Variants in LY75 observed in about 807,000 individuals in gnomAD.
LY75 encodes lymphocyte antigen 75.
A neutral mutation model predicts 231.7 loss-of-function variants in LY75; 185 were observed. That is an observed-to-expected ratio of 0.80 (90% CI 0.71 to 0.90). LY75 has a LOEUF of 0.90. Ranked by LOEUF, LY75 falls within the 40% of genes least tolerant of loss-of-function variation. The pLI is 0.00. For synonymous variants in LY75, 668 were observed against 689.0 expected, an observed-to-expected ratio of 0.97 and a Z score of 0.48; for missense variants, 1,947 against 2,050.2, an observed-to-expected ratio of 0.95 and a Z score of 0.97.
At chr2:159,823,829 AT>A (rs1363241420) in intron 28 of LY75, among the ~76,000 whole-genome samples, 2 of 152,184 alleles carry the variant, frequency 1.3e-5, no homozygotes, top group Admixed American at 1.3e-4. Flanking sequence ...TCAACCCAGA[AT>A]TTCATATCCA....
chr2:159,883,793 T>A (rs1219661865), intron 6 of LY75, among the ~76,000 whole-genome samples: 2 of 152,228 alleles, frequency 1.3e-5, no homozygotes, highest in Admixed American at 1.3e-4. Flanking sequence ...ATTTCCCCTA[T>A]TATCTTAAAA....
intron 25 of LY75, among the ~76,000 whole-genome samples, chr2:159,838,035 A>C (rs1406172390): frequency 1.3e-5 from 2 of 152,188 alleles, no homozygotes; most frequent in Non-Finnish European, 2.9e-5. Context: ...CACATAACCC[A>C]GAGCTGCCTC....
chr2:159,879,417 G>A (rs772532301), intron 8 of LY75, 48 bp from the exon 9 acceptor site: 18 of 1,607,022 alleles, frequency 1.1e-5, no homozygotes, highest in South Asian at 4.4e-5. Flanking sequence ...ATTATTTACC[G>A]CATATTCAGA....
chr2:159,903,296 G>A (rs1348108042), intron 1 of LY75: 1 of 152,236 alleles, frequency 6.6e-6, no homozygotes, highest in Admixed American at 6.5e-5. Context: ...AGCAGATGTC[G>A]ATGGGAACCA....
intron 11 of LY75, among the ~76,000 whole-genome samples, chr2:159,875,947 G>C (rs774618181): frequency 2.0e-5 from 3 of 152,090 alleles, no homozygotes; most frequent in Non-Finnish European, 2.9e-5. Flanking sequence ...GTTGCCCCAG[G>C]ATTTGTGCCC....
intron 28 of LY75, among the ~76,000 whole-genome samples, chr2:159,830,954 T>G (rs1250022342): frequency 1.3e-5 from 2 of 152,198 alleles, no homozygotes; most frequent in African/African-American, 4.8e-5. Context: ...AACCCAAAAC[T>G]GCAACACTAA....
chr2:159,858,887 C>G (rs1355259453), intron 15 of LY75, among the ~76,000 whole-genome samples: 1 of 152,152 alleles, frequency 6.6e-6, no homozygotes, highest in Non-Finnish European at 1.5e-5. Context: ...TCCACATGGT[C>G]CAGGATGGCT....
At position 159,899,050 on chromosome 2, in the gene LY75, G is replaced by A. The variant is rs993107385; in HGVS notation, c.104C>T (p.Pro35Leu). ...CGTATTTCCATGGACGATGGTGAAG[G>A]GGTCATTAGCTGAGTCAAATGGACA... The part of the protein sequence containing the change: ...AEPSGRAAND[P>L]FTIVHGNTGK... Residue 35 changes from proline (P) to leucine (L), a missense_variant, in exon 2 of 35, where the codon CCC (proline) becomes CTC (leucine). Pro to Leu is a moderately conservative substitution (Grantham distance 98). Coordinates refer to ENST00000263636, the MANE Select transcript of LY75 (RefSeq NM_002349.4). The A allele has an allele frequency of 1.2e-6, 2 of 1,612,314 alleles. No homozygotes were observed. The highest frequency in any genetic ancestry group is 1.7e-6 in the Non-Finnish European group (2 of 1,179,192).
chr2:159,876,102 G>C (rs1343432766), intron 11 of LY75, among the ~76,000 whole-genome samples: 1 of 152,152 alleles, frequency 6.6e-6, no homozygotes, highest in African/African-American at 2.4e-5. Context: ...CAAAGGAAAA[G>C]CTGGTACAAT....
In LY75 at chr2:159,815,617, C is replaced by T. The variant is rs368846608; in HGVS notation, c.4381-44G>A. ...AGATAACCTGAATCCAGATGTTTGA[C>T]TTCAAAAAGAATACAAAGAACAACA... On this transcript the variant is annotated intron_variant, in intron 30 of 34. Transcript: ENST00000263636. The T allele has an allele frequency of 2.9e-5, 45 of 1,577,578 alleles. No homozygotes were observed. The African/African-American group carries it at 4.6e-4, about 16-fold the overall frequency.
In LY75 at chr2:159,835,658, G is replaced by A; in HGVS notation, c.3508-13C>T. Reference sequence around the variant, plus strand: ...AGTTGAGTTCATCCTGTAAGGAGCAGAAGTACATTTCAGGTGGCAATATTG... The same window carrying A: ...AGTTGAGTTCATCCTGTAAGGAGCAAAAGTACATTTCAGGTGGCAATATTG... On this transcript the variant is annotated splice_polypyrimidine_tract_variant and intron_variant, in intron 25 of 34. Coordinates refer to ENST00000263636, the MANE Select transcript of LY75 (RefSeq NM_002349.4). 2 of 1,610,354 alleles carry A rather than the reference G, an allele frequency of 1.2e-6. No individual in the cohort carries two copies. The highest frequency in any genetic ancestry group is 4.5e-5 in the East Asian group (2 of 44,792).
intron 34 of LY75, among the ~76,000 whole-genome samples, chr2:159,806,744 G>A (rs1682805064): frequency 6.6e-6 from 1 of 152,118 alleles, no homozygotes; most frequent in Non-Finnish European, 1.5e-5. Context: ...TTTTTCTTAG[G>A]AAAGAATTAT....
At chr2:159,874,132 A>ATAAAGTATATATATTTTGTGAATATATAT (rs377452119) in intron 12 of LY75, among the ~76,000 whole-genome samples, 1 of 9,704 alleles carries the variant, frequency 1.0e-4, no homozygotes, top group African/African-American at 1.3e-4. Flanking sequence ...GTAAATATAT[A>ATAAAGTATATATATTTTGTGAATATATAT]AACGTATATA....
chr2:159,807,029 C>G lies in LY75; in HGVS notation c.4934G>C (p.Trp1645Ser), dbSNP rs1312450613. 9 of 1,613,798 alleles carry G rather than the reference C, an allele frequency of 5.6e-6. No individual in the cohort carries two copies. The highest frequency in any genetic ancestry group is 7.6e-6 in the Non-Finnish European group (9 of 1,179,860). Reference protein sequence around the residue: ...CSMLIASNETWKKVECEHGFG... With the variant: ...CSMLIASNETSKKVECEHGFG... ...ACCATGTTCACATTCAACTTTTTTCCAAGTTTCATTTGAAGCTATCAACAT... is the reference window on the plus strand; with the variant it reads ...ACCATGTTCACATTCAACTTTTTTCGAAGTTTCATTTGAAGCTATCAACAT... The change falls in exon 34 of 35, where the codon TGG becomes TCG. Residue 1645 changes from tryptophan to serine, a missense_variant. Coordinates refer to ENST00000263636, the MANE Select transcript of LY75 (RefSeq NM_002349.4).
chr2:159,834,715 T>C (rs2125843229), intron 26 of LY75, among the ~76,000 whole-genome samples: 1 of 152,356 alleles, frequency 6.6e-6, no homozygotes, highest in African/African-American at 2.4e-5. Flanking sequence ...CAGTATCTGA[T>C]TATGATCTTT....
At chr2:159,809,009 C>A (rs1197977037) in intron 32 of LY75, among the ~76,000 whole-genome samples, 1 of 152,106 alleles carries the variant, frequency 6.6e-6, no homozygotes, top group Non-Finnish European at 1.5e-5. Context: ...TCTGTTTTCT[C>A]CTTTAGGAGA....
At position 159,881,082 on chromosome 2, in the gene LY75, C is replaced by T. The variant is rs752406596; in HGVS notation, c.1404+1G>A. ...TAAAGAAACCACAGGAGGTTTCGTA[C>T]CTCTCCTAAGTAGGAAACACAGTTG... On this transcript the variant is annotated splice_donor_variant, in intron 8 of 34. Coordinates refer to ENST00000263636, the MANE Select transcript of LY75 (RefSeq NM_002349.4). LOFTEE classifies it high-confidence loss of function. The T allele has an allele frequency of 1.9e-6, 3 of 1,612,302 alleles. No homozygotes were observed. The highest frequency in any genetic ancestry group is 2.5e-6 in the Non-Finnish European group (3 of 1,179,416).
In LY75 at chr2:159,853,319, T is replaced by A; in HGVS notation, c.2697A>T (p.Thr899=). ...ACATGTACAAGCATTCCTCTCCAAA[T>A]GTCACAGGAAAGCGGTGCCATGGAT... is the stretch of plus-strand genomic sequence containing the variant. ...SRYPWHRFPV[T]FGEECLYMSA... Residue 899 remains threonine, a synonymous_variant, in exon 20 of 35, where the codon ACA becomes ACT. Coordinates refer to ENST00000263636, the MANE Select transcript of LY75 (RefSeq NM_002349.4). The A allele has an allele frequency of 6.2e-7, 1 of 1,613,686 alleles. No homozygotes were observed. The highest frequency in any genetic ancestry group is 8.5e-7 in the Non-Finnish European group (1 of 1,179,702).
chr2:159,864,843 G>T lies in LY75; in HGVS notation c.2195C>A (p.Thr732Lys). The change falls in exon 14 of 35, where the codon ACA becomes AAA. Residue 732 changes from threonine to lysine, a missense_variant. By Grantham distance (78) the Thr-to-Lys change is moderately conservative (BLOSUM62 -1). Transcript: ENST00000263636. Reference sequence around the variant, plus strand: ...AACAATAACGTTTTAACTTACTGGTGTACGATCACTCCATTGCCAGGATCC... The same window carrying T: ...AACAATAACGTTTTAACTTACTGGTTTACGATCACTCCATTGCCAGGATCC... ...LQGSWQWSDR[T>K]PVSTIIMPNE... 1 of 1,595,972 alleles carries T rather than the reference G, an allele frequency of 6.3e-7. No homozygotes were observed. Among genetic ancestry groups the T allele is most frequent in the African/African-American group, 1.3e-5 (1 of 74,338 alleles).
Sources: allele counts gnomAD v4.1 joint callset (sites outside exome capture counted in the v4.1 genomes callset), GRCh38; gene constraint gnomAD v4.1.1; transcripts MANE v1.5; gene names NCBI Gene and HGNC (gene_info 2026-07-23, HGNC 2026-07-21).